IGSF11: variants seen among roughly 807,000 people sequenced by gnomAD.
IGSF11 encodes immunoglobulin superfamily member 11.
A neutral mutation model predicts 41.0 loss-of-function variants in IGSF11; 22 were observed. The ratio of observed to expected loss-of-function variants is 0.54; its 90% confidence interval spans 0.38 to 0.77. IGSF11 has a LOEUF of 0.77. Ranked by LOEUF, IGSF11 falls within the 30% of genes least tolerant of loss-of-function variation. The pLI is 0.00. For missense variants in IGSF11, 444 were observed against 530.8 expected (o/e 0.84, Z 1.61); for synonymous variants, 219 against 201.3 (o/e 1.09, Z -0.74).
intron 1 of IGSF11, among the ~76,000 whole-genome samples, chr3:118,953,229 C>T (rs1158699): frequency 0.078 from 11,899 of 151,982 alleles, 673 homozygotes; most frequent in Admixed American, 0.16. Context: ...ATGATTTCAA[C>T]GCTTTTTATG....
chr3:119,106,451 A>C (rs1481776955), upstream of IGSF11, among the ~76,000 whole-genome samples: 1 of 152,162 alleles, frequency 6.6e-6, no homozygotes, highest in Non-Finnish European at 1.5e-5. Flanking sequence ...ACAAATAAGT[A>C]AGAAATTTGC....
At chr3:119,116,102 T>C (rs1194911922) in intron 1 of IGSF11, among the ~76,000 whole-genome samples, 1 of 152,246 alleles carries the variant, frequency 6.6e-6, no homozygotes, top group African/African-American at 2.4e-5. Flanking sequence ...AAACATTATT[T>C]CTGGGTGTGT....
chr3:119,002,395 G>C (rs1936995208), intron 1 of IGSF11, among the ~76,000 whole-genome samples: 1 of 150,842 alleles, frequency 6.6e-6, no homozygotes, highest in South Asian at 2.1e-4. Context: ...TGAGTAGGTT[G>C]TGAAAATTTT....
upstream of IGSF11, among the ~76,000 whole-genome samples, chr3:119,036,075 T>C (rs1288238479): frequency 6.6e-6 from 1 of 152,164 alleles, no homozygotes; most frequent in Admixed American, 6.5e-5. Flanking sequence ...TTTTTGAAAA[T>C]GTGGATATTA....
chr3:119,116,327 G>C (rs2077255563), intron 1 of IGSF11, among the ~76,000 whole-genome samples: 1 of 151,916 alleles, frequency 6.6e-6, no homozygotes, highest in South Asian at 2.1e-4. Flanking sequence ...TTATACCACT[G>C]GCTCCCCTGG....
At chr3:119,042,597 C>T (rs562605014) in intron 1 of IGSF11, among the ~76,000 whole-genome samples, 1 of 152,268 alleles carries the variant, frequency 6.6e-6, no homozygotes, top group Admixed American at 6.5e-5. Flanking sequence ...TCCTACCCCC[C>T]ACAGTGGTGG....
chr3:118,916,923 C>A (rs929780056), intron 4 of IGSF11, among the ~76,000 whole-genome samples: 3 of 152,032 alleles, frequency 2.0e-5, no homozygotes, highest in Non-Finnish European at 4.4e-5. Context: ...GACCACAGTG[C>A]AATCAAACTA....
intron 1 of IGSF11, among the ~76,000 whole-genome samples, chr3:119,089,653 A>G (rs2107492626): frequency 6.6e-6 from 1 of 152,338 alleles, no homozygotes; most frequent in East Asian, 1.9e-4. Flanking sequence ...TTTGCTAATG[A>G]TATAATTCTA....
chr3:119,111,622 G>T (rs780374075), intron 1 of IGSF11, among the ~76,000 whole-genome samples: 1 of 151,284 alleles, frequency 6.6e-6, no homozygotes, highest in Non-Finnish European at 1.5e-5. Flanking sequence ...AGCTTTGTTC[G>T]GTTGCTGGTG....
chr3:118,996,663 G>A (rs1019575267), intron 1 of IGSF11, among the ~76,000 whole-genome samples: 4 of 151,512 alleles, frequency 2.6e-5, no homozygotes, highest in Non-Finnish European at 5.9e-5. Flanking sequence ...GCAGTGGTGC[G>A]ATCTCGGCTC....
At chr3:119,067,230 CA>C (rs1942260953) in intron 1 of IGSF11, among the ~76,000 whole-genome samples, 1 of 152,162 alleles carries the variant, frequency 6.6e-6, no homozygotes. Flanking sequence ...CTGATTACCT[CA>C]ATCCAATTAC....
At chr3:119,082,632 G>A (rs1265485988) in intron 1 of IGSF11, among the ~76,000 whole-genome samples, 1 of 152,124 alleles carries the variant, frequency 6.6e-6, no homozygotes, top group African/African-American at 2.4e-5. Flanking sequence ...ATTTCATAAA[G>A]TTCAATAGCA....
intron 1 of IGSF11, among the ~76,000 whole-genome samples, chr3:118,988,007 C>T (rs373846612): frequency 6.6e-5 from 10 of 152,284 alleles, no homozygotes; most frequent in African/African-American, 2.2e-4. Flanking sequence ...TCCAAGTTTT[C>T]TCACCTGATA....
At chr3:119,048,993 T>C (rs1941496147) in intron 1 of IGSF11, among the ~76,000 whole-genome samples, 1 of 152,068 alleles carries the variant, frequency 6.6e-6, no homozygotes, top group Non-Finnish European at 1.5e-5. Flanking sequence ...TGATGGGACG[T>C]ATTTCAAAAT....
chr3:118,979,014 A>G lies in IGSF11; in HGVS notation c.53-48739T>C, dbSNP rs529715449. Among the ~76,000 whole-genome samples, 3 of 152,302 alleles carry G rather than the reference A, an allele frequency of 2.0e-5. No individual in the cohort carries two copies. In the East Asian group the frequency reaches 5.8e-4, roughly 29 times the overall value. On this transcript the variant is annotated intron_variant, in intron 1 of 6. Transcript: ENST00000393775. ...AGAAAACCTCCCTGAGCTATAAGATAACTCTGAAAAACAATACAAAGAAAT... is the reference window on the plus strand; with the variant it reads ...AGAAAACCTCCCTGAGCTATAAGATGACTCTGAAAAACAATACAAAGAAAT...
chr3:118,965,794 A>G (rs1447679381), intron 1 of IGSF11, among the ~76,000 whole-genome samples: 1 of 152,148 alleles, frequency 6.6e-6, no homozygotes, highest in Non-Finnish European at 1.5e-5. Flanking sequence ...TGCAAAATGT[A>G]TGTTATGTTT....
chr3:118,966,650 A>G (rs1945698027), intron 1 of IGSF11, among the ~76,000 whole-genome samples: 1 of 152,208 alleles, frequency 6.6e-6, no homozygotes, highest in African/African-American at 2.4e-5. Context: ...GGGTTAGCAC[A>G]AAGGCAACAT....
intron 1 of IGSF11, among the ~76,000 whole-genome samples, chr3:118,940,687 T>C (rs1226054022): frequency 6.6e-6 from 1 of 151,992 alleles, no homozygotes; most frequent in African/African-American, 2.4e-5. Flanking sequence ...GAAATGTATG[T>C]ACAAAAGTGA....
chr3:118,993,117 T>C (rs1250170246), intron 1 of IGSF11, among the ~76,000 whole-genome samples: 2 of 152,198 alleles, frequency 1.3e-5, no homozygotes, highest in Non-Finnish European at 2.9e-5. Context: ...TCCCAGCTAC[T>C]CACAGTAGGC....
Sources: allele counts gnomAD v4.1 joint callset (sites outside exome capture counted in the v4.1 genomes callset), GRCh38; gene constraint gnomAD v4.1.1; transcripts MANE v1.5; gene names NCBI Gene and HGNC (gene_info 2026-07-23, HGNC 2026-07-21).